The following CFAP299 variants were observed in gnomAD, a reference collection of about 807,000 sequenced individuals.
CFAP299 encodes the protein cilia- and flagella-associated protein 299.
Under a neutral mutation model 27.0 loss-of-function variants are expected in CFAP299, and 21 were observed. That is an observed-to-expected ratio of 0.78 (90% CI 0.55 to 1.12). The LOEUF is 1.12. Among genes scored for constraint, CFAP299 ranks in the 50% most tolerant of loss-of-function variants. The pLI is 0.00. For missense variants in CFAP299, 310 were observed against 276.6 expected, an observed-to-expected ratio of 1.12 and a Z score of -0.86; for synonymous variants, 104 against 98.1, an observed-to-expected ratio of 1.06 and a Z score of -0.36.
At chr4:80,444,626 C>G (rs184359841) in intron 2 of CFAP299, among the ~76,000 whole-genome samples, 37 of 152,284 alleles carry the variant, frequency 2.4e-4, no homozygotes, top group African/African-American at 8.9e-4. Context: ...TGGGCAAAGA[C>G]TTCATGACTA....
intron 3 of CFAP299, among the ~76,000 whole-genome samples, chr4:80,868,970 T>C (rs1560455560): frequency 6.8e-6 from 1 of 147,300 alleles, no homozygotes; most frequent in Non-Finnish European, 1.5e-5. Context: ...ATAACTGACA[T>C]TGGGAGCAAG....
chr4:80,405,939 T>A (rs1400599838), intron 2 of CFAP299, among the ~76,000 whole-genome samples: 1 of 152,176 alleles, frequency 6.6e-6, no homozygotes, highest in African/African-American at 2.4e-5. Context: ...TTATTAATGA[T>A]ACCAACTCAC....
At chr4:80,741,972 C>A (rs1724300429) in intron 3 of CFAP299, among the ~76,000 whole-genome samples, 2 of 152,120 alleles carry the variant, frequency 1.3e-5, no homozygotes, top group African/African-American at 4.8e-5. Context: ...TATGATAGGG[C>A]AGCACTGAGT....
intron 4 of CFAP299, among the ~76,000 whole-genome samples, chr4:80,909,630 C>G (rs1735368184): frequency 6.6e-6 from 1 of 151,760 alleles, no homozygotes; most frequent in South Asian, 2.1e-4. Flanking sequence ...TTTTTTCATT[C>G]CAAGGAAGTT....
chr4:80,383,490 G>T (rs1303534579), intron 2 of CFAP299, among the ~76,000 whole-genome samples: 1 of 152,040 alleles, frequency 6.6e-6, no homozygotes, highest in African/African-American at 2.4e-5. Context: ...CATATAGTGA[G>T]AACCTAGCAT....
chr4:80,390,695 G>T (rs916695628), intron 2 of CFAP299, among the ~76,000 whole-genome samples: 2 of 139,434 alleles, frequency 1.4e-5, no homozygotes, highest in Admixed American at 1.5e-4. Context: ...ACATATATGT[G>T]TATATATGTA....
intron 3 of CFAP299, among the ~76,000 whole-genome samples, chr4:80,718,960 A>G (rs957676840): frequency 1.3e-5 from 2 of 152,186 alleles, no homozygotes; most frequent in African/African-American, 2.4e-5. Context: ...CTATGCAGCC[A>G]TAAAAAAGAA....
intron 4 of CFAP299, chr4:80,870,478 G>A (rs1181427689): frequency 2.0e-6 from 2 of 999,012 alleles, no homozygotes; most frequent in African/African-American, 1.7e-5. Flanking sequence ...CATCTAACAT[G>A]TTTTCCTCCA....
At chr4:80,325,487 T>C in the CFAP299 span, among the ~76,000 whole-genome samples, 1 of 152,250 alleles carries the variant, frequency 6.6e-6, no homozygotes, top group Non-Finnish European at 1.5e-5. Context: ...ACCCATCTTA[T>C]CCGTTTTTGC....
chr4:80,902,474 G>GTATATATACA (rs1380596700), intron 4 of CFAP299, among the ~76,000 whole-genome samples: 2 of 115,090 alleles, frequency 1.7e-5, no homozygotes, highest in Non-Finnish European at 3.2e-5. Context: ...ATGTATATAT[G>GTATATATACA]TATATATGTA....
intron 2 of CFAP299, among the ~76,000 whole-genome samples, chr4:80,557,157 C>G (rs866735818): frequency 6.6e-6 from 1 of 152,044 alleles, no homozygotes; most frequent in Non-Finnish European, 1.5e-5. Flanking sequence ...GCATCAGTGT[C>G]CTTTCTATAT....
intron 3 of CFAP299, among the ~76,000 whole-genome samples, chr4:80,653,088 A>G (rs1740390288): frequency 6.6e-6 from 1 of 152,142 alleles, no homozygotes; most frequent in East Asian, 1.9e-4. Flanking sequence ...GATGGTTTCC[A>G]TCCTACATCT....
At chr4:80,715,081 T>C (rs1722402621) in intron 3 of CFAP299, among the ~76,000 whole-genome samples, 1 of 152,114 alleles carries the variant, frequency 6.6e-6, no homozygotes, top group Non-Finnish European at 1.5e-5. Flanking sequence ...TCCAGGTAGT[T>C]CCCTGTCTTA....
intron 2 of CFAP299, among the ~76,000 whole-genome samples, chr4:80,558,358 G>GTTTTTTTTTTTTTT (rs1174909337): frequency 2.5e-5 from 3 of 121,680 alleles, no homozygotes; most frequent in African/African-American, 1.0e-4. Flanking sequence ...TTGTTTGTTT[G>GTTTTTTTTTTTTTT]TTTGTTTGTT....
At chr4:80,688,101 C>T (rs987326471) in intron 3 of CFAP299, among the ~76,000 whole-genome samples, 1 of 152,202 alleles carries the variant, frequency 6.6e-6, no homozygotes, top group South Asian at 2.1e-4. Context: ...AAGACGGCAG[C>T]GAGGCTGGGG....
chr4:80,863,909 T>A (rs1009885295), intron 3 of CFAP299, among the ~76,000 whole-genome samples: 4 of 152,056 alleles, frequency 2.6e-5, no homozygotes, highest in African/African-American at 9.7e-5. Flanking sequence ...AAAATGTTAT[T>A]AGAATGAAAA....
chr4:80,343,276 AAAT>A (rs1192629077), intron 1 of CFAP299, among the ~76,000 whole-genome samples: 1 of 152,216 alleles, frequency 6.6e-6, no homozygotes, highest in Admixed American at 6.5e-5. Context: ...TTGAGACAGA[AAAT>A]TAACAAAGAT....
At chr4:80,391,821 G>A (rs1414324327) in intron 2 of CFAP299, among the ~76,000 whole-genome samples, 1 of 152,088 alleles carries the variant, frequency 6.6e-6, no homozygotes, top group East Asian at 1.9e-4. Context: ...TACAAAATTA[G>A]CCAGGCATGG....
chr4:80,531,215 A>C (rs1240411845), intron 2 of CFAP299, among the ~76,000 whole-genome samples: 2 of 152,170 alleles, frequency 1.3e-5, no homozygotes, highest in Admixed American at 1.3e-4. Context: ...TGAAAATAGC[A>C]TGAAATTTCC....
Sources: allele counts gnomAD v4.1 joint callset (sites outside exome capture counted in the v4.1 genomes callset), GRCh38; gene constraint gnomAD v4.1.1; transcripts MANE v1.5; gene names NCBI Gene and HGNC (gene_info 2026-07-23, HGNC 2026-07-21).